SLC24A2: variants seen among roughly 807,000 people sequenced by gnomAD.
SLC24A2 encodes solute carrier family 24 member 2.
Under a neutral mutation model 62.0 loss-of-function variants are expected in SLC24A2, and 36 were observed. The observed-to-expected ratio is 0.58, with a 90% CI of 0.44 to 0.77. The LOEUF (loss-of-function observed/expected upper bound fraction) is 0.77. SLC24A2 is among the 30% of genes least tolerant of loss of function. The pLI is 0.00. For synonymous variants in SLC24A2, 358 were observed against 294.0 expected (o/e 1.22, Z -2.23); for missense variants, 846 against 817.9 (o/e 1.03, Z -0.42).
At chr9:20,119,081 C>T in the SLC24A2 span, among the ~76,000 whole-genome samples, 28 of 152,254 alleles carry the variant, frequency 1.8e-4, no homozygotes, top group Admixed American at 1.4e-3. Flanking sequence ...AAGAACTGAA[C>T]GCAGCCTTCA....
At chr9:20,244,465 C>T in the SLC24A2 span, among the ~76,000 whole-genome samples, 21 of 152,328 alleles carry the variant, frequency 1.4e-4, no homozygotes, top group East Asian at 3.5e-3. Flanking sequence ...CTACACACTG[C>T]GCCCTGTGAA....
At chr9:20,180,279 G>T in the SLC24A2 span, among the ~76,000 whole-genome samples, 1 of 152,068 alleles carries the variant, frequency 6.6e-6, no homozygotes, top group Non-Finnish European at 1.5e-5. Context: ...ATTATGATCA[G>T]CTGAGGTTAC....
chr9:19,860,911 C>T, the SLC24A2 span, among the ~76,000 whole-genome samples: 1 of 152,142 alleles, frequency 6.6e-6, no homozygotes, highest in Non-Finnish European at 1.5e-5. Flanking sequence ...GTTTGAGTGC[C>T]ATCTCAGAAG....
the SLC24A2 span, among the ~76,000 whole-genome samples, chr9:20,092,146 C>T: frequency 1.1e-4 from 17 of 152,086 alleles, no homozygotes; most frequent in Non-Finnish European, 2.1e-4. Context: ...ATTGGTTACT[C>T]GGCTTAGTAC....
rs180976312 is a variant in SLC24A2, at chr9:19,747,184, T to A, written c.930+38753A>T. Reference sequence around the variant, plus strand: ...CACTTACTTGAAAGAAGTAAAATACTCCAGATACATGTCAAGCCCTCTGTG... The same window carrying A: ...CACTTACTTGAAAGAAGTAAAATACACCAGATACATGTCAAGCCCTCTGTG... On this transcript the variant is annotated intron_variant, in intron 2 of 10. Transcript: ENST00000341998. Among the ~76,000 whole-genome samples the A allele has an allele frequency of 8.9e-4, 135 of 152,256 alleles. 1 individual carries two copies. Among genetic ancestry groups the A allele is most frequent in the African/African-American group, 3.1e-3 (130 of 41,566 alleles).
At chr9:19,624,494 A>T (rs982945281) in intron 2 of SLC24A2, among the ~76,000 whole-genome samples, 3 of 152,164 alleles carry the variant, frequency 2.0e-5, no homozygotes, top group Non-Finnish European at 2.9e-5. Context: ...TACTCTATCG[A>T]CTTCCTTTTT....
Position 19,520,891 on chromosome 9 carries a change from C to T in SLC24A2, c.1736+3G>A, listed in dbSNP as rs1238862192. 5.0e-6 allele frequency: 8 copies of T among 1,613,692 alleles called. No individual in the cohort carries two copies. The highest frequency in any genetic ancestry group is 1.7e-4 in the Middle Eastern group (1 of 6,060). On this transcript the variant is annotated splice_donor_region_variant and intron_variant, in intron 10 of 10. Transcript: ENST00000341998. Reference sequence around the variant, plus strand: ...ACACCTTTGTAGAACTACCTCTACTCACCCTACAGTGATGTCAAAAATGTT... The same window carrying T: ...ACACCTTTGTAGAACTACCTCTACTTACCCTACAGTGATGTCAAAAATGTT...
chr9:20,104,665 CA>C, the SLC24A2 span, among the ~76,000 whole-genome samples: 1 of 152,048 alleles, frequency 6.6e-6, no homozygotes. Context: ...ATTTTGTCAC[CA>C]CCAGGCCTGC....
the SLC24A2 span, among the ~76,000 whole-genome samples, chr9:19,906,096 A>G: frequency 6.6e-6 from 1 of 152,360 alleles, no homozygotes; most frequent in South Asian, 2.1e-4. Context: ...TCCTCAGCAA[A>G]TGTAAAAGAA....
At chr9:19,519,575 A>G (rs958143911) in intron 10 of SLC24A2, among the ~76,000 whole-genome samples, 1 of 152,182 alleles carries the variant, frequency 6.6e-6, no homozygotes, top group African/African-American at 2.4e-5. Context: ...TCATTCATCC[A>G]TCCATCCATC....
chr9:20,159,035 C>T, the SLC24A2 span, among the ~76,000 whole-genome samples: 3 of 151,564 alleles, frequency 2.0e-5, no homozygotes, highest in Non-Finnish European at 3.0e-5. Context: ...TACTTACATT[C>T]GAGTTCTCAA....
the SLC24A2 span, among the ~76,000 whole-genome samples, chr9:19,905,939 A>G: frequency 6.6e-6 from 1 of 152,304 alleles, no homozygotes; most frequent in East Asian, 1.9e-4. Context: ...GTTAACAACG[A>G]TATCCAGGAA....
chr9:20,229,330 G>A, the SLC24A2 span, among the ~76,000 whole-genome samples: 191 of 152,216 alleles, frequency 1.3e-3, no homozygotes, highest in Non-Finnish European at 2.3e-3. Flanking sequence ...TCTATATAAG[G>A]AAAGTATGGT....
At chr9:19,545,684 G>A (rs1044218298) in intron 8 of SLC24A2, among the ~76,000 whole-genome samples, 6 of 149,746 alleles carry the variant, frequency 4.0e-5, no homozygotes, top group East Asian at 2.0e-4. Flanking sequence ...TGTTGCTTAC[G>A]CTGGAGTGCA....
At chr9:20,253,736 A>C in the SLC24A2 span, among the ~76,000 whole-genome samples, 1 of 152,160 alleles carries the variant, frequency 6.6e-6, no homozygotes, top group South Asian at 2.1e-4. Flanking sequence ...AGAGAGATTA[A>C]CTGGATTCTT....
chr9:19,643,892 G>T (rs1818571201), intron 2 of SLC24A2, among the ~76,000 whole-genome samples: 1 of 152,178 alleles, frequency 6.6e-6, no homozygotes, highest in African/African-American at 2.4e-5. Flanking sequence ...TTACATCTTT[G>T]CTTCCTTCCT....
chr9:19,532,053 T>C (rs1025586743), intron 8 of SLC24A2, among the ~76,000 whole-genome samples: 2 of 152,172 alleles, frequency 1.3e-5, no homozygotes, highest in African/African-American at 2.4e-5. Context: ...TATTTACATA[T>C]AACCTTTGTG....
At chr9:19,840,253 T>C in the SLC24A2 span, among the ~76,000 whole-genome samples, 3 of 152,186 alleles carry the variant, frequency 2.0e-5, no homozygotes, top group African/African-American at 7.2e-5. Context: ...ACTATTTCCC[T>C]AGGTAGCCTC....
chr9:19,826,654 C>T, the SLC24A2 span, among the ~76,000 whole-genome samples: 3 of 152,238 alleles, frequency 2.0e-5, no homozygotes, highest in South Asian at 2.1e-4. Context: ...AGAAAGGATC[C>T]GAAGGAGTGA....
Sources: gnomAD v4.1 joint callset for allele counts (sites outside exome capture counted in the v4.1 genomes callset) on GRCh38, gnomAD v4.1.1 for gene constraint, MANE v1.5 for transcripts, NCBI Gene and HGNC (gene_info 2026-07-23, HGNC 2026-07-21) for gene names.